The following SGCG variants were observed in gnomAD, a reference collection of about 807,000 sequenced individuals.
SGCG encodes gamma-sarcoglycan.
SGCG carries 26 observed loss-of-function variants against 29.3 expected under a neutral mutation model. That is an observed-to-expected ratio of 0.89 (90% CI 0.65 to 1.23). The LOEUF (loss-of-function observed/expected upper bound fraction) is 1.23, where lower values mean the gene tolerates loss of function less well. Among genes scored for constraint, SGCG ranks in the 50% most tolerant of loss-of-function variants. SGCG has a pLI of 0.00. For synonymous variants in SGCG, 145 were observed against 129.7 expected, an observed-to-expected ratio of 1.12 and a Z score of -0.80; for missense variants, 353 against 356.0, an observed-to-expected ratio of 0.99 and a Z score of 0.07.
chr13:23,288,839 C>G (rs1190717104), intron 5 of SGCG, among the ~76,000 whole-genome samples: 1 of 152,218 alleles, frequency 6.6e-6, no homozygotes, highest in Non-Finnish European at 1.5e-5. Flanking sequence ...ATTTGCTAGG[C>G]TCAGTCCATT....
intron 6 of SGCG, among the ~76,000 whole-genome samples, chr13:23,302,398 C>G (rs1882195475): frequency 6.6e-6 from 1 of 152,006 alleles, no homozygotes; most frequent in Admixed American, 6.6e-5. Context: ...CTATAGCACA[C>G]TAGAACTTAT....
chr13:23,206,060 T>G (rs909727027), intron 2 of SGCG, among the ~76,000 whole-genome samples: 1 of 152,230 alleles, frequency 6.6e-6, no homozygotes, highest in African/African-American at 2.4e-5. Context: ...GTAATTATCC[T>G]ATATGTTTTG....
At chr13:23,299,407 C>CATGTGTAT (rs1161342960) in intron 6 of SGCG, among the ~76,000 whole-genome samples, 3 of 23,932 alleles carry the variant, frequency 1.3e-4, no homozygotes, top group African/African-American at 5.2e-4. Flanking sequence ...TCTTAGTTGG[C>CATGTGTAT]ATATATATAT....
intron 4 of SGCG, among the ~76,000 whole-genome samples, chr13:23,256,260 A>C (rs1051137603): frequency 6.6e-6 from 1 of 152,240 alleles, no homozygotes; most frequent in African/African-American, 2.4e-5. Context: ...AAAAGCTCAC[A>C]TTGAGTCTCC....
the SGCG span, among the ~76,000 whole-genome samples, chr13:23,172,347 T>G: frequency 6.6e-6 from 1 of 152,328 alleles, no homozygotes; most frequent in East Asian, 1.9e-4. Context: ...CACTGACATA[T>G]CTCAATATGT....
chr13:23,161,989 A>C, the SGCG span, among the ~76,000 whole-genome samples: 1 of 152,254 alleles, frequency 6.6e-6, no homozygotes, highest in Non-Finnish European at 1.5e-5. Flanking sequence ...GGTAGTGATA[A>C]ATAGCTCATT....
intron 2 of SGCG, among the ~76,000 whole-genome samples, chr13:23,205,063 G>A (rs1877935191): frequency 1.3e-5 from 2 of 151,684 alleles, no homozygotes; most frequent in African/African-American, 4.8e-5. Context: ...ATAGATATAT[G>A]ATATAAGCTG....
At chr13:23,308,268 C>T (rs1344023859) in intron 6 of SGCG, among the ~76,000 whole-genome samples, 1 of 152,150 alleles carries the variant, frequency 6.6e-6, no homozygotes, top group East Asian at 1.9e-4. Context: ...TTTAATCAGA[C>T]AAGAAGTTAT....
chr13:23,247,810 G>A (rs1238555831), intron 3 of SGCG, among the ~76,000 whole-genome samples: 2 of 149,594 alleles, frequency 1.3e-5, no homozygotes, highest in East Asian at 3.9e-4. Flanking sequence ...AATCAGCTGG[G>A]TGTGGTGGCA....
intron 4 of SGCG, among the ~76,000 whole-genome samples, chr13:23,258,804 T>C (rs1259238814): frequency 6.6e-6 from 1 of 152,212 alleles, no homozygotes; most frequent in African/African-American, 2.4e-5. Flanking sequence ...ATTGAGATAA[T>C]CATGTGGTTT....
intron 6 of SGCG, among the ~76,000 whole-genome samples, chr13:23,313,965 A>G (rs1274618822): frequency 6.6e-6 from 1 of 152,130 alleles, no homozygotes; most frequent in African/African-American, 2.4e-5. Flanking sequence ...ATCTTTCTCT[A>G]TGCTGGACGC....
At chr13:23,229,421 G>T (rs998113715) in intron 2 of SGCG, among the ~76,000 whole-genome samples, 3 of 152,158 alleles carry the variant, frequency 2.0e-5, no homozygotes, top group African/African-American at 4.8e-5. Flanking sequence ...CTCACCAGCA[G>T]CATATAAGTG....
At chr13:23,233,107 C>T (rs1434696729) in intron 2 of SGCG, among the ~76,000 whole-genome samples, 3 of 152,256 alleles carry the variant, frequency 2.0e-5, no homozygotes, top group East Asian at 1.9e-4. Context: ...AAGAGATATT[C>T]GCACACCCAT....
At chr13:23,301,065 G>A (rs957268055) in intron 6 of SGCG, among the ~76,000 whole-genome samples, 13 of 152,034 alleles carry the variant, frequency 8.6e-5, no homozygotes, top group Admixed American at 2.0e-4. Context: ...GCAGTGAGCC[G>A]AGACCACGCC....
chr13:23,276,451 G>C (rs543004269), intron 4 of SGCG, among the ~76,000 whole-genome samples: 39 of 10,206 alleles, frequency 3.8e-3, no homozygotes, highest in Non-Finnish European at 0.011. Flanking sequence ...TTTTTTTTTT[G>C]AGACAGAGTC....
intron 5 of SGCG, among the ~76,000 whole-genome samples, chr13:23,287,988 C>T (rs931509784): frequency 1.2e-4 from 19 of 152,136 alleles, no homozygotes; most frequent in African/African-American, 4.6e-4. Context: ...CTCTTGACCT[C>T]GTGATCTGCC....
At chr13:23,193,531 G>GAGAC (rs386378461) in intron 1 of SGCG, among the ~76,000 whole-genome samples, 1 of 151,930 alleles carries the variant, frequency 6.6e-6, no homozygotes, top group Non-Finnish European at 1.5e-5. Context: ...AGGTGGCAGA[G>GAGAC]AGATTGTGAT....
chr13:23,175,485 CT>C, the SGCG span, among the ~76,000 whole-genome samples: 1 of 152,188 alleles, frequency 6.6e-6, no homozygotes, highest in South Asian at 2.1e-4. Flanking sequence ...GAAATCTATA[CT>C]TGATGGAGTT....
chr13:23,194,806 G>A (rs1184478129), intron 1 of SGCG, among the ~76,000 whole-genome samples: 1 of 152,166 alleles, frequency 6.6e-6, no homozygotes, highest in South Asian at 2.1e-4. Flanking sequence ...GCTGAGGAGT[G>A]TTCTAGGGAC....
Sources: allele counts gnomAD v4.1 joint callset (sites outside exome capture counted in the v4.1 genomes callset), GRCh38; gene constraint gnomAD v4.1.1; transcripts MANE v1.5; gene names NCBI Gene and HGNC (gene_info 2026-07-23, HGNC 2026-07-21).